Variants in UGT8 observed in about 807,000 individuals in gnomAD.
The protein encoded by UGT8 is UDP glycosyltransferase 8, also known as 2-hydroxyacylsphingosine 1-beta-galactosyltransferase.
In UGT8, 12 loss-of-function variants were observed where a neutral mutation model predicts 40.5. The ratio of observed to expected loss-of-function variants is 0.30; its 90% CI spans 0.19 to 0.48. The LOEUF (loss-of-function observed/expected upper bound fraction) is 0.48. UGT8 is among the 20% of genes least tolerant of loss of function. The pLI is 0.99. For synonymous variants in UGT8, 224 were observed against 240.4 expected (o/e 0.93, Z 0.63); for missense variants, 513 against 648.7 (o/e 0.79, Z 2.27).
intron 2 of UGT8, among the ~76,000 whole-genome samples, chr4:114,644,737 C>T (rs1733450662): frequency 6.6e-6 from 1 of 152,092 alleles, no homozygotes; most frequent in Non-Finnish European, 1.5e-5. Context: ...AAAATCACAC[C>T]TATCCTTCCT....
chr4:114,617,884 G>A (rs980288555), intron 1 of UGT8, among the ~76,000 whole-genome samples: 1 of 152,140 alleles, frequency 6.6e-6, no homozygotes, highest in Non-Finnish European at 1.5e-5. Context: ...CCAGCTCCAG[G>A]GATGTGCCAG....
chr4:114,621,321 A>G lies in UGT8; in HGVS notation c.-2-1558A>G, dbSNP rs184776632. Reference sequence around the variant, plus strand: ...TCCATTAACCCTCTTGAGCTTTTCTATTAAAAGTTTCTCTTTTACATAATG... The same window carrying G: ...TCCATTAACCCTCTTGAGCTTTTCTGTTAAAAGTTTCTCTTTTACATAATG... On this transcript the variant is annotated intron_variant, in intron 1 of 5. Coordinates refer to ENST00000310836, the MANE Select transcript of UGT8 (RefSeq NM_001128174.3). Among the ~76,000 whole-genome samples, 24 of 152,276 alleles carry G rather than the reference A, an allele frequency of 1.6e-4. 1 individual carries two copies. The highest frequency in any genetic ancestry group is 4.1e-4 in the African/African-American group (17 of 41,566).
At chr4:114,616,567 C>T (rs111393137) in intron 1 of UGT8, among the ~76,000 whole-genome samples, 9,228 of 152,060 alleles carry the variant, frequency 0.061, 376 homozygotes, top group East Asian at 0.14. Context: ...CGATGCCTCA[C>T]CCTACTTCGG....
At chr4:114,640,854 G>A (rs1560689969) in intron 2 of UGT8, among the ~76,000 whole-genome samples, 2 of 152,098 alleles carry the variant, frequency 1.3e-5, no homozygotes, top group African/African-American at 2.4e-5. Flanking sequence ...ACCTCCCACC[G>A]GGTCCTTCTC....
intron 1 of UGT8, among the ~76,000 whole-genome samples, chr4:114,605,755 A>T (rs1011198678): frequency 6.6e-6 from 1 of 152,180 alleles, no homozygotes; most frequent in African/African-American, 2.4e-5. Flanking sequence ...GTTCTTGAAA[A>T]GCTGTATATA....
chr4:114,636,729 C>G (rs376585866), intron 2 of UGT8, among the ~76,000 whole-genome samples: 2 of 152,024 alleles, frequency 1.3e-5, no homozygotes, highest in African/African-American at 2.4e-5. Context: ...CCAAACTTCC[C>G]GCTGCCTTCT....
At chr4:114,602,215 A>C (rs138285247) in intron 1 of UGT8, among the ~76,000 whole-genome samples, 36 of 152,320 alleles carry the variant, frequency 2.4e-4, no homozygotes, top group African/African-American at 7.7e-4. Context: ...TTACTTTCTT[A>C]TGATAGGCCC....
chr4:114,621,324 A>G (rs556719163), intron 1 of UGT8, among the ~76,000 whole-genome samples: 27 of 152,278 alleles, frequency 1.8e-4, no homozygotes, highest in Non-Finnish European at 3.8e-4. Flanking sequence ...CTTTTCTATT[A>G]AAAGTTTCTC....
intron 1 of UGT8, among the ~76,000 whole-genome samples, chr4:114,620,783 A>T (rs1275619744): frequency 6.6e-6 from 1 of 152,174 alleles, no homozygotes; most frequent in Non-Finnish European, 1.5e-5. Context: ...GTTGCCTGCT[A>T]TTGATTTCTT....
intron 2 of UGT8, among the ~76,000 whole-genome samples, chr4:114,649,979 T>C (rs1200443793): frequency 1.3e-5 from 2 of 152,240 alleles, no homozygotes; most frequent in African/African-American, 4.8e-5. Context: ...TGTGAGCTGC[T>C]AATTAAAAGC....
intron 2 of UGT8, among the ~76,000 whole-genome samples, chr4:114,631,449 T>C (rs1464609433): frequency 6.6e-6 from 1 of 152,228 alleles, no homozygotes; most frequent in Non-Finnish European, 1.5e-5. Flanking sequence ...ATCGTGCCAC[T>C]GCACGCCAGC....
intron 2 of UGT8, among the ~76,000 whole-genome samples, chr4:114,647,547 G>A (rs1359434686): frequency 6.6e-6 from 1 of 152,006 alleles, no homozygotes; most frequent in African/African-American, 2.4e-5. Flanking sequence ...TGTATTTTTA[G>A]TAGAGGCGGG....
At chr4:114,647,569 T>C (rs1484717547) in intron 2 of UGT8, among the ~76,000 whole-genome samples, 1 of 152,082 alleles carries the variant, frequency 6.6e-6, no homozygotes, top group African/African-American at 2.4e-5. Flanking sequence ...TTTCACCACA[T>C]TGGCCAGACT....
At chr4:114,667,735 T>G (rs965056187) in intron 4 of UGT8, 1 of 286,538 alleles carries the variant, frequency 3.5e-6, no homozygotes, top group Non-Finnish European at 5.2e-6. Flanking sequence ...AAAGTAGATG[T>G]CTGTTTTTTC....
At chr4:114,644,683 C>G (rs1231331388) in intron 2 of UGT8, among the ~76,000 whole-genome samples, 1 of 152,188 alleles carries the variant, frequency 6.6e-6, no homozygotes, top group South Asian at 2.1e-4. Flanking sequence ...GCCTTTCAAG[C>G]CTTTTGCTGC....
At chr4:114,633,329 AGAAT>A (rs1732695459) in intron 2 of UGT8, among the ~76,000 whole-genome samples, 1 of 152,252 alleles carries the variant, frequency 6.6e-6, no homozygotes, top group African/African-American at 2.4e-5. Flanking sequence ...AGAAGCCAAA[AGAAT>A]GCAGTGATAG....
intron 2 of UGT8, among the ~76,000 whole-genome samples, chr4:114,635,047 A>T (rs532802711): frequency 3.3e-5 from 5 of 151,838 alleles, no homozygotes; most frequent in Non-Finnish European, 5.9e-5. Flanking sequence ...TTTTTAGTAA[A>T]CCATGAACAA....
At position 114,670,665 on chromosome 4, in the gene UGT8, CA is replaced by C. The variant is rs1204115979; in HGVS notation, c.1262+2365del. Among the ~76,000 whole-genome samples the C allele has an allele frequency of 3.2e-4, 49 of 151,922 alleles. 1 individual carries two copies. Among genetic ancestry groups the C allele is most frequent in the Admixed American group, 3.9e-4 (6 of 15,256 alleles). On this transcript the variant is annotated intron_variant, in intron 5 of 5. Transcript: ENST00000310836. ...AACTAGGTATTGATGGAACATATCT[CA>C]AAACAATAAGAGGTATTTATGACAA...
chr4:114,663,894 G>A, intron 2 of UGT8, 101 bp from the exon 3 acceptor site: 2 of 1,519,782 alleles, frequency 1.3e-6, no homozygotes, highest in East Asian at 4.6e-5. Flanking sequence ...AATTGTTTAA[G>A]AAAATTACTT....
Sources: allele counts gnomAD v4.1 joint callset (sites outside exome capture counted in the v4.1 genomes callset), GRCh38; gene constraint gnomAD v4.1.1; transcripts MANE v1.5; gene names NCBI Gene and HGNC (gene_info 2026-07-23, HGNC 2026-07-21).